The following BCAS1 variants were observed in gnomAD, a reference collection of about 807,000 sequenced individuals.
BCAS1 encodes the protein breast carcinoma-amplified sequence 1.
In BCAS1, 46 loss-of-function variants were observed where a neutral mutation model predicts 65.4. The observed-to-expected ratio is 0.70, with a 90% CI of 0.55 to 0.90. BCAS1 has a LOEUF of 0.90. Ranked by LOEUF, BCAS1 falls within the 40% of genes least tolerant of loss-of-function variation. The pLI is 0.00. For missense variants in BCAS1, 793 were observed against 771.2 expected, an observed-to-expected ratio of 1.03 and a Z score of -0.33; for synonymous variants, 298 against 293.5, an observed-to-expected ratio of 1.02 and a Z score of -0.16.
chr20:54,029,177 G>A, intron 3 of BCAS1: 1 of 985,418 alleles, frequency 1.0e-6, no homozygotes, highest in Non-Finnish European at 1.2e-6. Context: ...AGGTTGGTGA[G>A]GAGGGAAAGC....
intron 7 of BCAS1, among the ~76,000 whole-genome samples, chr20:53,988,382 A>G (rs2090669406): frequency 6.6e-6 from 1 of 152,196 alleles, no homozygotes; most frequent in Non-Finnish European, 1.5e-5. Context: ...CCACTGTTGC[A>G]TCTTGAAGAC....
chr20:54,001,444 T>C (rs191192004), intron 4 of BCAS1, among the ~76,000 whole-genome samples: 5 of 152,308 alleles, frequency 3.3e-5, no homozygotes, highest in African/African-American at 1.2e-4. Context: ...TCAGGAGTCA[T>C]ACAGCCAGAG....
At chr20:54,033,454 C>T (rs1225654675) in intron 3 of BCAS1, among the ~76,000 whole-genome samples, 1 of 150,054 alleles carries the variant, frequency 6.7e-6, no homozygotes, top group Non-Finnish European at 1.5e-5. Flanking sequence ...CAATCAGAAA[C>T]GACAAGGGGG....
intron 5 of BCAS1, 76 bp from the exon 6 acceptor site, chr20:53,995,132 C>G: frequency 1.5e-6 from 2 of 1,322,786 alleles, no homozygotes; most frequent in Non-Finnish European, 2.2e-6. Flanking sequence ...ATAAATAACT[C>G]TTTAGGGTGG....
intron 4 of BCAS1, among the ~76,000 whole-genome samples, chr20:53,999,998 A>T (rs540955442): frequency 6.6e-6 from 1 of 152,264 alleles, no homozygotes; most frequent in Admixed American, 6.5e-5. Flanking sequence ...CCAAAGTGCT[A>T]GGATTACAGG....
At position 54,034,580 on chromosome 20, in the gene BCAS1, G is replaced by T. The variant is rs1261008688; in HGVS notation, c.143-5608C>A. Among the ~76,000 whole-genome samples the T allele has an allele frequency of 2.6e-5, 4 of 151,094 alleles. 1 individual carries two copies. Among genetic ancestry groups the T allele is most frequent in the African/African-American group, 9.7e-5 (4 of 41,286 alleles). ...ACCTAGGAAAACAGCTAATTAGGGAGGTGAAAGATCTCTACAAGGAGAATA... is the reference window on the plus strand; with the variant it reads ...ACCTAGGAAAACAGCTAATTAGGGATGTGAAAGATCTCTACAAGGAGAATA... On this transcript the variant is annotated intron_variant, in intron 3 of 12. Coordinates refer to ENST00000688948, the MANE Select transcript of BCAS1 (RefSeq NM_001366298.2).
chr20:54,018,792 A>C (rs1281393708), intron 4 of BCAS1, among the ~76,000 whole-genome samples: 2 of 152,220 alleles, frequency 1.3e-5, no homozygotes, highest in African/African-American at 2.4e-5. Flanking sequence ...TTGATTCTCA[A>C]CTGTACCCAA....
chr20:53,957,543 C>G, intron 10 of BCAS1, 46 bp from the exon 11 acceptor site: 1 of 1,555,980 alleles, frequency 6.4e-7, no homozygotes, highest in Non-Finnish European at 8.9e-7. Context: ...AGTACAGTGA[C>G]GTGGAGAATG....
intron 6 of BCAS1, among the ~76,000 whole-genome samples, chr20:53,993,358 T>G (rs939014265): frequency 1.3e-5 from 2 of 151,230 alleles, no homozygotes; most frequent in Non-Finnish European, 3.0e-5. Context: ...AAAGCATGAA[T>G]CCAAGAACTT....
intron 4 of BCAS1, among the ~76,000 whole-genome samples, chr20:54,013,659 G>A (rs566593259): frequency 6.6e-6 from 1 of 152,318 alleles, no homozygotes; most frequent in Non-Finnish European, 1.5e-5. Context: ...TTGCAGTGAG[G>A]TTAATAGCGA....
intron 3 of BCAS1, among the ~76,000 whole-genome samples, chr20:54,053,448 C>T (rs1410232692): frequency 6.7e-6 from 1 of 150,286 alleles, no homozygotes; most frequent in Admixed American, 6.6e-5. Flanking sequence ...ATATCTCTCA[C>T]ATTGTATCGA....
At chr20:53,945,168 C>A (rs931327834) in intron 12 of BCAS1, among the ~76,000 whole-genome samples, 172 bp from the exon 13 acceptor site, 1 of 152,176 alleles carries the variant, frequency 6.6e-6, no homozygotes, top group Non-Finnish European at 1.5e-5. Flanking sequence ...GGGTTCGATA[C>A]CCAGTTACAT....
intron 6 of BCAS1, 95 bp downstream of exon 6, chr20:53,994,917 A>T (rs1010211479): frequency 1.8e-5 from 18 of 974,930 alleles, no homozygotes; most frequent in Non-Finnish European, 2.7e-5. Flanking sequence ...ACACACACAC[A>T]TATATGTATT....
intron 1 of BCAS1, among the ~76,000 whole-genome samples, chr20:54,065,113 C>CATCT (rs5841974): frequency 0.28 from 40,414 of 144,084 alleles, 5,735 homozygotes; most frequent in African/African-American, 0.31. Context: ...ATCTATCTAT[C>CATCT]ATCTATCTAT....
chr20:54,014,769 A>C (rs2091396825), intron 4 of BCAS1, among the ~76,000 whole-genome samples: 1 of 152,214 alleles, frequency 6.6e-6, no homozygotes, highest in African/African-American at 2.4e-5. Flanking sequence ...TCCTCTCCCC[A>C]GAGAATATCA....
chr20:53,981,001 T>C (rs1173962732), intron 8 of BCAS1, among the ~76,000 whole-genome samples: 1 of 152,248 alleles, frequency 6.6e-6, no homozygotes, highest in Non-Finnish European at 1.5e-5. Flanking sequence ...TGGACATTTA[T>C]ATTGCTAAGA....
intron 4 of BCAS1, 75 bp from the exon 5 acceptor site, chr20:53,996,125 C>T: frequency 6.8e-7 from 1 of 1,460,114 alleles, no homozygotes; most frequent in Non-Finnish European, 9.2e-7. Flanking sequence ...GCTTCACACC[C>T]CTTTCTCTCT....
At chr20:54,057,947 A>C in intron 3 of BCAS1, 138 bp downstream of exon 3, 1 of 686,412 alleles carries the variant, frequency 1.5e-6, no homozygotes, top group Non-Finnish European at 2.5e-6. Flanking sequence ...ATGGTAGCCC[A>C]AGGAACAAAC....
chr20:54,046,375 G>A (rs1198307961), intron 3 of BCAS1, among the ~76,000 whole-genome samples: 2 of 151,670 alleles, frequency 1.3e-5, no homozygotes, highest in African/African-American at 4.8e-5. Context: ...TAAAAATACA[G>A]AAGATTAGCT....
Sources: gnomAD v4.1 joint callset for allele counts (sites outside exome capture counted in the v4.1 genomes callset) on GRCh38, gnomAD v4.1.1 for gene constraint, MANE v1.5 for transcripts, NCBI Gene and HGNC (gene_info 2026-07-23, HGNC 2026-07-21) for gene names.